Variants in PLXNB1 observed in about 807,000 individuals in gnomAD.
The protein encoded by PLXNB1 is plexin B1.
Under a neutral mutation model 209.4 loss-of-function variants are expected in PLXNB1, and 106 were observed. That is an observed-to-expected ratio of 0.51 (90% CI 0.43 to 0.59). The LOEUF is 0.59. PLXNB1 is among the 20% of genes least tolerant of loss of function. The probability of loss-of-function intolerance (pLI) is 0.00; values close to 1 mark genes in which losing one functional copy is unlikely to be tolerated. For missense variants in PLXNB1, 2,357 were observed against 2,853.2 expected (o/e 0.83, Z 3.96); for synonymous variants, 1,167 against 1,183.2 (o/e 0.99, Z 0.28).
chr3:48,425,505 C>A (rs148603150), intron 1 of PLXNB1, among the ~76,000 whole-genome samples, 172 bp from the exon 2 acceptor site: 3 of 152,158 alleles, frequency 2.0e-5, no homozygotes, highest in Non-Finnish European at 4.4e-5. Flanking sequence ...CCACAGAGGA[C>A]GCCTCCTCAG....
At position 48,413,262 on chromosome 3, in the gene PLXNB1, A is replaced by G. The variant is rs895711737; in HGVS notation, c.4536-93T>C. 3 of 993,758 alleles carry G rather than the reference A, an allele frequency of 3.0e-6. No individual in the cohort carries two copies. The highest frequency in any genetic ancestry group is 3.1e-6 in the Non-Finnish European group (2 of 635,370). 61.6% of individuals were successfully genotyped at this position (993,758 alleles called of 1,614,324 possible). A position where few individuals can be genotyped will look rare whatever the true frequency, so the allele number is the denominator to read the frequency against. ...CCCCAGGCACACCCCGGCCTCATCC[A>G]GCACAGTCCAATGCAGCCATGCCAG... On this transcript the variant is annotated intron_variant, in intron 23 of 37. Transcript: ENST00000296440. The surrounding 1 kb of genome is among the most constrained non-coding windows in gnomAD (Gnocchi z 5.4).
chr3:48,426,649 G>A (rs899452160), intron 1 of PLXNB1, among the ~76,000 whole-genome samples: 1 of 152,188 alleles, frequency 6.6e-6, no homozygotes, highest in Non-Finnish European at 1.5e-5. Context: ...GGTGGGAGCA[G>A]GGGGGCCGTG....
Position 48,410,891 on chromosome 3 carries a change from G to C in PLXNB1, c.5393C>G (p.Pro1798Arg), listed in dbSNP as rs564807349. The C allele has an allele frequency of 6.2e-6, 10 of 1,612,530 alleles. No homozygotes were observed. The highest frequency in any genetic ancestry group is 8.5e-6 in the Non-Finnish European group (10 of 1,179,388). Reference protein sequence around the residue: ...LYKGVPLTQRPDPRTLDVEWR... With the variant: ...LYKGVPLTQRRDPRTLDVEWR... ...ACCAACATCAAGGGTGCGAGGGTCTGGCCGCTGGGTGAGAGGCACTCCTTT... is the reference window on the plus strand; with the variant it reads ...ACCAACATCAAGGGTGCGAGGGTCTCGCCGCTGGGTGAGAGGCACTCCTTT... Residue 1798 changes from proline (P) to arginine (R), a missense_variant, in exon 29 of 38, where the codon CCA (proline) becomes CGA (arginine). Physicochemically the swap from Pro to Arg is moderately radical, Grantham distance 103 (BLOSUM62 -2). This residue lies in a region of PLXNB1 where 414 missense variants were observed against 520.5 expected (regional missense o/e 0.80). Transcript: ENST00000296440. The surrounding 1 kb of genome is among the most constrained non-coding windows in gnomAD (Gnocchi z 6.4).
Position 48,421,210 on chromosome 3 carries a change from G to T in PLXNB1, c.1810+18C>A. 6.2e-7 allele frequency: 1 copy of T among 1,611,404 alleles called. No individual in the cohort carries two copies. The highest frequency in any genetic ancestry group is 8.5e-7 in the Non-Finnish European group (1 of 1,178,950). ...GCAGGGGCTGGCCCCCACCAGGCTG[G>T]CCCATTCTCTCACCCACCGGCTCCT... On this transcript the variant is annotated intron_variant, in intron 8 of 37. Coordinates refer to ENST00000296440, the MANE Select transcript of PLXNB1 (RefSeq NM_001130082.3).
At chr3:48,423,456 GGC>G (rs2038666019) in intron 3 of PLXNB1, 47 bp downstream of exon 3, 2 of 1,579,756 alleles carry the variant, frequency 1.3e-6, no homozygotes, top group Non-Finnish European at 8.6e-7. Flanking sequence ...GCAAATGCTT[GGC>G]CAGTGGCCTC....
At position 48,409,702 on chromosome 3, in the gene PLXNB1, C is replaced by G; in HGVS notation, c.5808G>C (p.Leu1936=). The change falls in exon 33 of 38, where the codon CTG becomes CTC. Residue 1936 remains leucine, a synonymous_variant. Coordinates refer to ENST00000296440, the MANE Select transcript of PLXNB1 (RefSeq NM_001130082.3). The surrounding 1 kb of genome is among the most constrained non-coding windows in gnomAD (Gnocchi z 5.8). ...KGTLQKFVDD[L]FQVILSTSRP... ...GGCTGGTGCTGAGAATCACCTGGAA[C>G]AGGTCATCCACGAACTTCTGCAGGG... is the stretch of plus-strand genomic sequence containing the variant. 1 of 1,613,850 alleles carries G rather than the reference C, an allele frequency of 6.2e-7. No homozygotes were observed. The highest frequency in any genetic ancestry group is 8.5e-7 in the Non-Finnish European group (1 of 1,180,012).
At position 48,425,269 on chromosome 3, in the gene PLXNB1, G is replaced by A. The variant is rs2038824413; in HGVS notation, c.-7+12C>T. ...TGCTGCTCCTAGATATCTAGTGTGA[G>A]GTCAGGCTCACCTGGCAGGGCCGGC... is the stretch of plus-strand genomic sequence containing the variant. On this transcript the variant is annotated intron_variant, in intron 2 of 37. Coordinates refer to ENST00000296440, the MANE Select transcript of PLXNB1 (RefSeq NM_001130082.3). 1 of 152,274 alleles carries A rather than the reference G, an allele frequency of 6.6e-6. No homozygotes were observed. The highest frequency in any genetic ancestry group is 2.4e-5 in the African/African-American group (1 of 41,420). The allele number at this position is 152,274 out of a possible 1,614,324, so 9.4% of individuals were successfully genotyped here.
Position 48,406,655 on chromosome 3 carries a change from G to A in PLXNB1, c.6228+168C>T, listed in dbSNP as rs2037330410. 2 of 1,424,926 alleles carry A rather than the reference G, an allele frequency of 1.4e-6. No homozygotes were observed. Among genetic ancestry groups the A allele is most frequent in the Middle Eastern group, 2.6e-4 (1 of 3,850 alleles). The allele number at this position is 1,424,926 out of a possible 1,614,324, so 88.3% of individuals were successfully genotyped here. The stretch of plus-strand genomic sequence containing the variant: ...CTGTGATGAGATGGTGGGAGCCCTG[G>A]TCTTTCAGTGGCAGTTGGAACATTC... On this transcript the variant is annotated intron_variant, in intron 36 of 37. Transcript: ENST00000296440. This position sits in a 1 kb window ranked among gnomAD's most constrained non-coding sequence, Gnocchi z 4.4.
At position 48,406,115 on chromosome 3, in the gene PLXNB1, C is replaced by T. The variant is rs567682503; in HGVS notation, c.6229-317G>A. The T allele has an allele frequency of 6.6e-6, 2 of 302,532 alleles. No individual in the cohort carries two copies. Among genetic ancestry groups the T allele is most frequent in the African/African-American group, 4.3e-5 (2 of 46,174 alleles). The allele number at this position is 302,532 out of a possible 1,614,324, so 18.7% of individuals were successfully genotyped here. A position where few individuals can be genotyped will look rare whatever the true frequency, so the allele number is the denominator to read the frequency against. On this transcript the variant is annotated intron_variant, in intron 36 of 37. Coordinates refer to ENST00000296440, the MANE Select transcript of PLXNB1 (RefSeq NM_001130082.3). The surrounding 1 kb of genome is among the most constrained non-coding windows in gnomAD (Gnocchi z 4.4). Reference sequence around the variant, plus strand: ...CCCCCTTGAGGTTCTAGCCCAGACCCTCTGCCACCCAGATGACTCCAGAGC... The same window carrying T: ...CCCCCTTGAGGTTCTAGCCCAGACCTTCTGCCACCCAGATGACTCCAGAGC...
Position 48,420,021 on chromosome 3 carries a change from G to C in PLXNB1, c.2265C>G (p.Leu755=). 6.2e-7 allele frequency: 1 copy of C among 1,607,522 alleles called. No individual in the cohort carries two copies. The highest frequency in any genetic ancestry group is 2.2e-5 in the East Asian group (1 of 44,752). ...ISSPGSTGSP[L]HEEPSPPSPQ... is the part of the protein sequence containing the mutation. ...GGCTGGGAGGGGAGGGCTCCTCATG[G>C]AGAGGCGACCCTGTGGAGCCAGGGG... The change falls in exon 11 of 38, where the codon CTC becomes CTG. Residue 755 remains leucine (L), a synonymous_variant. Coordinates refer to ENST00000296440, the MANE Select transcript of PLXNB1 (RefSeq NM_001130082.3).
chr3:48,417,781 C>A lies in PLXNB1; in HGVS notation c.3374+130G>T, dbSNP rs536956051. On this transcript the variant is annotated intron_variant, in intron 16 of 37. Coordinates refer to ENST00000296440, the MANE Select transcript of PLXNB1 (RefSeq NM_001130082.3). The surrounding 1 kb of genome is among the most constrained non-coding windows in gnomAD (Gnocchi z 4.4). ...TTCAGTGGCAACGCTGGCACTCGGG[C>A]ATTGTGGCCAGGATCAAGGAACAGG... 606 of 1,016,100 alleles carry A rather than the reference C, an allele frequency of 6.0e-4. 4 individuals are homozygous for A. In the African/African-American group the frequency reaches 8.7e-3, roughly 15 times the overall value. The allele number at this position is 1,016,100 out of a possible 1,614,324, so 62.9% of individuals were successfully genotyped here.
rs1188500942 is a variant in PLXNB1, at chr3:48,424,633, G to A, written c.-6-16C>T. On this transcript the variant is annotated splice_polypyrimidine_tract_variant and intron_variant, in intron 2 of 37. Transcript: ENST00000296440. ...GCATGGTCACCTGGCAGGAAGAGAG[G>A]TCGAGAGAGTGGGGCTCACGTGGCC... The A allele has an allele frequency of 7.8e-6, 12 of 1,532,636 alleles. No individual in the cohort carries two copies. Among genetic ancestry groups the A allele is most frequent in the Admixed American group, 3.9e-5 (2 of 50,906 alleles). The allele number at this position is 1,532,636 out of a possible 1,614,324, so 94.9% of individuals were successfully genotyped here. A position where few individuals can be genotyped will look rare whatever the true frequency, so the allele number is the denominator to read the frequency against.
chr3:48,404,710 C>A, intron 37 of PLXNB1, 120 bp from the exon 38 acceptor site: 1 of 639,780 alleles, frequency 1.6e-6, no homozygotes, highest in South Asian at 2.0e-5. Context: ...GAAACCCAGC[C>A]GGTCACTTCA....
rs368121883 is a variant in PLXNB1 at position 48,418,420 on chromosome 3, G to A, written c.3049+29C>T. The A allele has an allele frequency of 4.4e-5, 71 of 1,612,784 alleles. No individual in the cohort carries two copies. The Middle Eastern group carries it at 9.9e-4, about 22-fold the overall frequency. On this transcript the variant is annotated intron_variant, in intron 14 of 37. Transcript: ENST00000296440. This position sits in a 1 kb window ranked among gnomAD's most constrained non-coding sequence, Gnocchi z 6.6. ...GGCCTGGGAGAGCCCTGCTACCACC[G>A]CCAGCCCAGCAGCCCGCAGGTGGCT...
In PLXNB1 at chr3:48,418,883, C is replaced by T. The variant is rs1349024590; in HGVS notation, c.2955+34G>A. ...CAGCCAGCCTGTGGCCAGTGCAGTG[C>T]ACCCGTGCCCACCCAGGCGCTCATG... On this transcript the variant is annotated intron_variant, in intron 13 of 37. Transcript: ENST00000296440. The surrounding 1 kb of genome is among the most constrained non-coding windows in gnomAD (Gnocchi z 6.6). The T allele has an allele frequency of 6.2e-7, 1 of 1,612,468 alleles. No individual in the cohort carries two copies. Among genetic ancestry groups the T allele is most frequent in the Non-Finnish European group, 8.5e-7 (1 of 1,179,484 alleles).
chr3:48,416,315 G>C lies in PLXNB1; in HGVS notation c.3480+31C>G. 6.3e-7 allele frequency: 1 copy of C among 1,583,622 alleles called. No homozygotes were observed. The highest frequency in any genetic ancestry group is 8.7e-7 in the Non-Finnish European group (1 of 1,155,534). ...GAGCCACCAGAGAGGTTGGCCCGCT[G>C]GCAGCTGGGGGTGGCTCAGCAGTCA... is the stretch of plus-strand genomic sequence containing the variant. On this transcript the variant is annotated intron_variant, in intron 17 of 37. Transcript: ENST00000296440. The surrounding 1 kb of genome is among the most constrained non-coding windows in gnomAD (Gnocchi z 4.1).
Position 48,404,587 on chromosome 3 carries a change from T to A in PLXNB1, c.6307A>T (p.Ile2103Phe). 7 of 1,609,770 alleles carry A rather than the reference T, an allele frequency of 4.3e-6. No homozygotes were observed. The highest frequency in any genetic ancestry group is 5.9e-6 in the Non-Finnish European group (7 of 1,176,950). Residue 2103 changes from isoleucine (I) to phenylalanine (F), a missense_variant, in exon 38 of 38, where the codon ATC (isoleucine) becomes TTC (phenylalanine). This residue lies in a region of PLXNB1 where 414 missense variants were observed against 520.5 expected (regional missense o/e 0.80). Coordinates refer to ENST00000296440, the MANE Select transcript of PLXNB1 (RefSeq NM_001130082.3). ...GTGCCATCCTCCTCCAGGGCAGTGA[T>A]GATCTGAAACAGAGACCAATGCCAT... Reference protein sequence around the residue: ...KYINKYYDQIITALEEDGTAQ... With the variant: ...KYINKYYDQIFTALEEDGTAQ...
rs753701639 is a variant in PLXNB1 at position 48,423,543 on chromosome 3, C to G, written c.1069G>C (p.Glu357Gln). Residue 357 changes from glutamate (E) to glutamine (Q), a missense_variant, in exon 3 of 38, where the codon GAG becomes CAG. By Grantham distance (29) the Glu-to-Gln change is conservative. Transcript: ENST00000296440. ...GCACAGTCAGAATTGACATCATACTCGATGTAGGCCACCTCGGTCCCATCC... is the reference window on the plus strand; with the variant it reads ...GCACAGTCAGAATTGACATCATACTGGATGTAGGCCACCTCGGTCCCATCC... ...AEDGTEVAYI[E>Q]YDVNSDCAQL... The G allele has an allele frequency of 6.2e-7, 1 of 1,614,106 alleles. No individual in the cohort carries two copies. Among genetic ancestry groups the G allele is most frequent in the Non-Finnish European group, 8.5e-7 (1 of 1,179,980 alleles).
chr3:48,412,330 C>T, intron 26 of PLXNB1, 26 bp from the exon 27 acceptor site: 1 of 1,613,616 alleles, frequency 6.2e-7, no homozygotes, highest in East Asian at 2.2e-5. Context: ...AGGGGAGTGC[C>T]AGGGTCAGCA....
Sources: allele counts gnomAD v4.1 joint callset (sites outside exome capture counted in the v4.1 genomes callset), GRCh38; gene constraint gnomAD v4.1.1; regional missense constraint gnomAD v4.1.1; non-coding constraint Gnocchi (gnomAD v3.1); transcripts MANE v1.5; gene names NCBI Gene and HGNC (gene_info 2026-07-23, HGNC 2026-07-21).